CLIP1: variants seen among roughly 807,000 people sequenced by gnomAD.
CLIP1 encodes the protein CAP-Gly domain-containing linker protein 1.
CLIP1 carries 66 observed loss-of-function variants against 161.6 expected under a neutral mutation model. The observed-to-expected ratio is 0.41, with a 90% CI of 0.33 to 0.50. CLIP1 has a LOEUF of 0.50. Among genes scored for constraint, CLIP1 ranks in the 20% least tolerant of loss-of-function variants. CLIP1 has a pLI of 0.27. For missense variants in CLIP1, 1,376 were observed against 1,702.0 expected, an observed-to-expected ratio of 0.81 and a Z score of 3.37; for synonymous variants, 598 against 626.2, an observed-to-expected ratio of 0.96 and a Z score of 0.67.
intron 1 of CLIP1, among the ~76,000 whole-genome samples, chr12:122,414,195 G>A (rs1034397812): frequency 6.6e-6 from 1 of 152,140 alleles, no homozygotes; most frequent in African/African-American, 2.4e-5. Context: ...TTGGAGTGCA[G>A]TGGCGTGAAC....
rs10538864 is a variant in CLIP1, at chr12:122,386,823, CAA to C, written c.-106-6267_-106-6266del. ...GAGACCAGCCCTGGGCAATATGTCT[CAA>C]AAAAAAAAAAAAAAAGAGAGAGAGA... On this transcript the variant is annotated intron_variant, in intron 1 of 25. Transcript: ENST00000620786. Among the ~76,000 whole-genome samples the C allele has an allele frequency of 7.7e-3, 957 of 124,078 alleles. 4 individuals carry two copies. The highest frequency in any genetic ancestry group is 0.013 in the Middle Eastern group (3 of 236). The allele number at this position is 124,078 out of a possible 152,430, so 81.4% of individuals were successfully genotyped here.
At chr12:122,389,561 C>T (rs1955492429) in intron 1 of CLIP1, among the ~76,000 whole-genome samples, 1 of 151,920 alleles carries the variant, frequency 6.6e-6, no homozygotes, top group Admixed American at 6.6e-5. Context: ...GTGTTCGAGA[C>T]CAACCTGGCC....
intron 2 of CLIP1, among the ~76,000 whole-genome samples, chr12:122,380,020 G>A (rs1468026813): frequency 4.2e-5 from 6 of 143,866 alleles, no homozygotes; most frequent in South Asian, 2.2e-4. Context: ...CGAGGTGGGT[G>A]GATCACGAGG....
At chr12:122,276,422 G>T (rs781562151) in intron 24 of CLIP1, 10 of 1,245,960 alleles carry the variant, frequency 8.0e-6, no homozygotes, top group Non-Finnish European at 1.0e-5. Context: ...ACGCAAATTA[G>T]GAAACATGAA....
chr12:122,364,099 G>A lies in CLIP1; in HGVS notation c.666C>T (p.Gly222=). ...GAAACCGGACTACACCAGCCTTAGT[G>A]CCACCAACCTGGAAGAAGAGAAGGT... ...LKIGDRVLVG[G]TKAGVVRFLG... is the part of the protein sequence containing the mutation. The change falls in exon 4 of 26, where the codon GGC becomes GGT. Residue 222 remains glycine (G), a synonymous_variant. Transcript: ENST00000620786. The A allele has an allele frequency of 3.7e-6, 6 of 1,614,126 alleles. No homozygotes were observed. The highest frequency in any genetic ancestry group is 5.1e-6 in the Non-Finnish European group (6 of 1,180,022).
chr12:122,387,189 G>A (rs1300834187), intron 1 of CLIP1, among the ~76,000 whole-genome samples: 1 of 152,130 alleles, frequency 6.6e-6, no homozygotes. Flanking sequence ...ACCGTGCCCA[G>A]CCTCTGACTT....
rs552233686 is a variant in CLIP1, at chr12:122,313,095, C to G, written c.3474-3213G>C. Among the ~76,000 whole-genome samples the G allele has an allele frequency of 1.2e-4, 18 of 152,312 alleles. No individual in the cohort carries two copies. The East Asian group carries it at 3.3e-3, about 28-fold the overall frequency. On this transcript the variant is annotated intron_variant, in intron 19 of 25. Transcript: ENST00000620786. ...AACCTACTCCCCATACCTCCTGTGC[C>G]AGCTTCCATGGAACGCTACCAGCGT...
intron 3 of CLIP1, among the ~76,000 whole-genome samples, chr12:122,374,959 C>T (rs1052253596): frequency 1.3e-5 from 2 of 152,118 alleles, no homozygotes; most frequent in African/African-American, 4.8e-5. Flanking sequence ...GAGACAACCA[C>T]GTTGAAACAC....
intron 1 of CLIP1, among the ~76,000 whole-genome samples, chr12:122,392,655 CCACT>C (rs1356082876): frequency 6.6e-5 from 10 of 152,180 alleles, no homozygotes; most frequent in Non-Finnish European, 1.5e-4. Context: ...ATGCCCGCTA[CCACT>C]CAGACACATC....
chr12:122,387,547 CATATATATATATAT>C (rs773688335), intron 1 of CLIP1, among the ~76,000 whole-genome samples: 34 of 40,390 alleles, frequency 8.4e-4, no homozygotes, highest in South Asian at 2.2e-3. Context: ...CATGCCTTTT[CATATATATATATAT>C]ATATATATAT....
chr12:122,412,952 C>G (rs993451554), intron 1 of CLIP1, among the ~76,000 whole-genome samples: 1 of 152,094 alleles, frequency 6.6e-6, no homozygotes, highest in Non-Finnish European at 1.5e-5. Flanking sequence ...CCTAAGCAAG[C>G]TACGTATCCC....
intron 20 of CLIP1, among the ~76,000 whole-genome samples, chr12:122,303,618 C>T (rs1308531724): frequency 1.3e-5 from 2 of 152,134 alleles, no homozygotes; most frequent in Non-Finnish European, 2.9e-5. Context: ...TACCTGAACA[C>T]AGGTAATCTC....
At chr12:122,398,425 A>T (rs1006371025) in intron 1 of CLIP1, among the ~76,000 whole-genome samples, 10 of 106,688 alleles carry the variant, frequency 9.4e-5, no homozygotes, top group African/African-American at 5.6e-4. Flanking sequence ...ACTCCACCTT[A>T]AAAAAAAAAA....
At chr12:122,278,102 C>T (rs751394646) in intron 24 of CLIP1, 52 bp downstream of exon 24, 1 of 1,511,896 alleles carries the variant, frequency 6.6e-7, no homozygotes, top group Admixed American at 1.9e-5. Flanking sequence ...CGAAAAGATT[C>T]AATGATTTTG....
chr12:122,314,000 T>A (rs1243423633), intron 19 of CLIP1, among the ~76,000 whole-genome samples: 1 of 151,014 alleles, frequency 6.6e-6, no homozygotes, highest in Non-Finnish European at 1.5e-5. Flanking sequence ...CTACTAAAAA[T>A]ACAAAAAAAT....
intron 4 of CLIP1, 75 bp downstream of exon 4, chr12:122,363,908 A>G: frequency 6.3e-7 from 1 of 1,593,608 alleles, no homozygotes; most frequent in African/African-American, 1.3e-5. Context: ...ATGTTATGAT[A>G]CACGCTTGGT....
At chr12:122,312,044 T>C (rs1951079540) in intron 19 of CLIP1, among the ~76,000 whole-genome samples, 1 of 152,226 alleles carries the variant, frequency 6.6e-6, no homozygotes, top group South Asian at 2.1e-4. Flanking sequence ...ATTTTCAAAA[T>C]AGCTACAAAA....
chr12:122,380,011 G>A (rs564569485), intron 2 of CLIP1, among the ~76,000 whole-genome samples: 4 of 149,940 alleles, frequency 2.7e-5, no homozygotes, highest in South Asian at 4.2e-4. Context: ...TTGGGAGGCC[G>A]AGGTGGGTGG....
chr12:122,316,027 C>T (rs969105699), intron 19 of CLIP1, among the ~76,000 whole-genome samples: 1 of 151,842 alleles, frequency 6.6e-6, no homozygotes, highest in Non-Finnish European at 1.5e-5. Context: ...TTTTGAGGGA[C>T]TTGCTAATGA....
Sources: gnomAD v4.1 joint callset for allele counts (sites outside exome capture counted in the v4.1 genomes callset) on GRCh38, gnomAD v4.1.1 for gene constraint, MANE v1.5 for transcripts, NCBI Gene and HGNC (gene_info 2026-07-23, HGNC 2026-07-21) for gene names.